The following IFT88 variants were observed in gnomAD, a reference collection of about 807,000 sequenced individuals.
IFT88 encodes intraflagellar transport protein 88 homolog.
In IFT88, 74 loss-of-function variants were observed where a neutral mutation model predicts 119.5. That is an observed-to-expected ratio of 0.62 (90% CI 0.51 to 0.75). IFT88 has a LOEUF of 0.75. Among genes scored for constraint, IFT88 ranks in the 30% least tolerant of loss-of-function variants. IFT88 has a pLI of 0.00. For missense variants in IFT88, 961 were observed against 977.7 expected (o/e 0.98, Z 0.23); for synonymous variants, 279 against 316.7 (o/e 0.88, Z 1.26).
At chr13:20,573,371 G>T (rs954750249) in intron 1 of IFT88, among the ~76,000 whole-genome samples, 1 of 152,034 alleles carries the variant, frequency 6.6e-6, no homozygotes, top group African/African-American at 2.4e-5. Context: ...AGGCCAAATG[G>T]AGCGCCTGTC....
chr13:20,679,219 C>CA (rs1323751970), intron 24 of IFT88, among the ~76,000 whole-genome samples: 1 of 152,212 alleles, frequency 6.6e-6, no homozygotes, highest in African/African-American at 2.4e-5. Flanking sequence ...CTCCTAGCCA[C>CA]ATTACAGTTT....
intron 24 of IFT88, among the ~76,000 whole-genome samples, chr13:20,680,894 TC>T (rs1279972410): frequency 6.6e-6 from 1 of 152,204 alleles, no homozygotes; most frequent in Non-Finnish European, 1.5e-5. Flanking sequence ...AACCAGTTGT[TC>T]CGCTTCTATC....
chr13:20,641,300 T>C lies in IFT88; in HGVS notation c.1584T>C (p.Tyr528=), dbSNP rs772319118. The change falls in exon 18 of 26, where the codon TAT becomes TAC. Residue 528 remains tyrosine, a synonymous_variant. Coordinates refer to ENST00000351808, the MANE Select transcript of IFT88 (RefSeq NM_006531.5). ...TCTTCTTTTTTTAAGGCCTTACCTA[T>C]GAGAAACTAAATCGGCTAGATGAGG... ...TEALYNIGLT[Y]EKLNRLDEAL... is the part of the protein sequence containing the mutation. The C allele has an allele frequency of 3.7e-6, 6 of 1,605,792 alleles. No homozygotes were observed. The highest frequency in any genetic ancestry group is 3.3e-5 in the South Asian group (3 of 89,916).
chr13:20,584,179 A>G (rs1305174728), intron 3 of IFT88, among the ~76,000 whole-genome samples: 1 of 150,414 alleles, frequency 6.6e-6, no homozygotes, highest in Non-Finnish European at 1.5e-5. Context: ...TGTCATTTGG[A>G]TAGTAAGGAT....
intron 1 of IFT88, chr13:20,568,100 C>T (rs994574507): frequency 2.9e-6 from 2 of 680,544 alleles, no homozygotes; most frequent in Non-Finnish European, 5.4e-6. Flanking sequence ...TCCTGTGCCA[C>T]GTGCGGGCCG....
At chr13:20,575,305 T>C (rs990323224) in intron 2 of IFT88, among the ~76,000 whole-genome samples, 5 of 152,218 alleles carry the variant, frequency 3.3e-5, no homozygotes, top group Non-Finnish European at 5.9e-5. Context: ...TTCTTTTTTA[T>C]GGCTAGTTTT....
intron 24 of IFT88, among the ~76,000 whole-genome samples, chr13:20,682,126 T>C (rs1445718340): frequency 6.6e-6 from 1 of 152,236 alleles, no homozygotes; most frequent in African/African-American, 2.4e-5. Context: ...TCCAGGGTCA[T>C]ATGCATGCAA....
At chr13:20,690,957 C>A in intron 25 of IFT88, 97 bp from the exon 26 acceptor site, 1 of 1,461,322 alleles carries the variant, frequency 6.8e-7, no homozygotes, top group Non-Finnish European at 9.5e-7. Context: ...CATTTCTGTT[C>A]ACTCTGAGTT....
intron 7 of IFT88, among the ~76,000 whole-genome samples, chr13:20,593,910 G>A (rs2041179761): frequency 1.3e-5 from 2 of 151,932 alleles, no homozygotes; most frequent in South Asian, 4.2e-4. Context: ...AATTAGCTGG[G>A]TATGGTGGCA....
At chr13:20,579,882 G>T (rs1210060299) in intron 2 of IFT88, among the ~76,000 whole-genome samples, 1 of 152,154 alleles carries the variant, frequency 6.6e-6, no homozygotes, top group Admixed American at 6.5e-5. Flanking sequence ...ATCCTGCCAT[G>T]GCTGGGTTCT....
chr13:20,583,216 C>T (rs748040835), intron 3 of IFT88, among the ~76,000 whole-genome samples, 197 bp downstream of exon 3: 1 of 152,140 alleles, frequency 6.6e-6, no homozygotes, highest in Non-Finnish European at 1.5e-5. Context: ...ACAAAAACTT[C>T]CCATTTTCTC....
chr13:20,648,749 G>T (rs372372115), intron 20 of IFT88, among the ~76,000 whole-genome samples: 9 of 152,192 alleles, frequency 5.9e-5, no homozygotes, highest in Non-Finnish European at 1.0e-4. Context: ...AAGAAAATCA[G>T]GGTCTATTTA....
chr13:20,632,307 C>T (rs2048321806), intron 16 of IFT88, among the ~76,000 whole-genome samples: 1 of 152,024 alleles, frequency 6.6e-6, no homozygotes, highest in Non-Finnish European at 1.5e-5. Flanking sequence ...TAATTCTGTC[C>T]TGCATGTAGA....
At chr13:20,675,283 A>T (rs1378689586) in intron 24 of IFT88, among the ~76,000 whole-genome samples, 2 of 152,100 alleles carry the variant, frequency 1.3e-5, no homozygotes, top group African/African-American at 4.8e-5. Flanking sequence ...GGGTGCTGTC[A>T]CTTCTCTAAG....
chr13:20,673,937 T>A (rs904717698), intron 24 of IFT88, among the ~76,000 whole-genome samples: 6 of 152,220 alleles, frequency 3.9e-5, no homozygotes, highest in African/African-American at 1.4e-4. Flanking sequence ...TTTAAAGCAC[T>A]CATCAGTCCC....
chr13:20,613,053 A>G (rs910840283), intron 13 of IFT88, among the ~76,000 whole-genome samples: 3 of 152,234 alleles, frequency 2.0e-5, no homozygotes, highest in African/African-American at 7.2e-5. Context: ...ATATGACACC[A>G]AAAGCACAAG....
At chr13:20,620,069 C>A (rs2046241172) in intron 14 of IFT88, among the ~76,000 whole-genome samples, 1 of 152,128 alleles carries the variant, frequency 6.6e-6, no homozygotes, top group Non-Finnish European at 1.5e-5. Context: ...CCTTTTAAGG[C>A]AACTTTTGCA....
chr13:20,571,389 T>C (rs1357701570), intron 1 of IFT88, among the ~76,000 whole-genome samples: 1 of 152,248 alleles, frequency 6.6e-6, no homozygotes, highest in Non-Finnish European at 1.5e-5. Flanking sequence ...ATTTCTTGAA[T>C]ACTAGCAATA....
intron 3 of IFT88, among the ~76,000 whole-genome samples, chr13:20,587,506 C>T (rs1236389551): frequency 1.3e-5 from 2 of 152,178 alleles, no homozygotes; most frequent in African/African-American, 4.8e-5. Context: ...GATCCACCCA[C>T]CTCAGTGTCC....
Sources: allele counts gnomAD v4.1 joint callset (sites outside exome capture counted in the v4.1 genomes callset), GRCh38; gene constraint gnomAD v4.1.1; transcripts MANE v1.5; gene names NCBI Gene and HGNC (gene_info 2026-07-23, HGNC 2026-07-21).